Variants in SIPA1L3 observed in about 807,000 individuals in gnomAD.
The protein encoded by SIPA1L3 is signal-induced proliferation-associated 1-like protein 3.
In SIPA1L3, 59 loss-of-function variants were observed where a neutral mutation model predicts 150.1. That is an observed-to-expected ratio of 0.39 (90% CI 0.32 to 0.49). The LOEUF is 0.49. Among genes scored for constraint, SIPA1L3 ranks in the 20% least tolerant of loss-of-function variants. The pLI, the probability that SIPA1L3 is intolerant of heterozygous loss-of-function variation, is 0.86. For synonymous variants in SIPA1L3, 1,070 were observed against 1,077.6 expected, an observed-to-expected ratio of 0.99 and a Z score of 0.14; for missense variants, 2,211 against 2,489.5, an observed-to-expected ratio of 0.89 and a Z score of 2.38.
At chr19:38,032,286 C>G (rs1380187575) in intron 2 of SIPA1L3, among the ~76,000 whole-genome samples, 2 of 152,134 alleles carry the variant, frequency 1.3e-5, no homozygotes, top group Admixed American at 6.5e-5. Flanking sequence ...TCCCAAGTTC[C>G]AAGTAAATTC....
chr19:38,084,284 C>T (rs779811238), intron 3 of SIPA1L3, among the ~76,000 whole-genome samples: 23 of 152,022 alleles, frequency 1.5e-4, no homozygotes, highest in Admixed American at 2.6e-4. Context: ...CCCCTTATGC[C>T]CTTATGCCTA....
intron 2 of SIPA1L3, among the ~76,000 whole-genome samples, chr19:38,035,704 C>A (rs1968765174): frequency 6.6e-6 from 1 of 151,742 alleles, no homozygotes; most frequent in Non-Finnish European, 1.5e-5. Flanking sequence ...CGAGAAGTCG[C>A]ATAATAGATG....
intron 15 of SIPA1L3, among the ~76,000 whole-genome samples, chr19:38,177,958 G>A (rs113375262): frequency 3.3e-5 from 5 of 151,436 alleles, no homozygotes; most frequent in South Asian, 2.1e-4. Flanking sequence ...CCCCGGAGGC[G>A]CAGAGGTTGC....
chr19:37,930,987 T>TG (rs1408854266), intron 1 of SIPA1L3, among the ~76,000 whole-genome samples: 1 of 152,204 alleles, frequency 6.6e-6, no homozygotes, highest in Admixed American at 6.5e-5. Flanking sequence ...TCCCAGTGCC[T>TG]GACTCAGAAT....
intron 1 of SIPA1L3, among the ~76,000 whole-genome samples, chr19:37,953,765 G>A (rs1447558567): frequency 6.6e-6 from 1 of 152,178 alleles, no homozygotes; most frequent in Non-Finnish European, 1.5e-5. Context: ...CCCCAGGCAC[G>A]TGTGATTTTG....
chr19:37,999,798 A>G (rs16978902), intron 1 of SIPA1L3, among the ~76,000 whole-genome samples: 8,415 of 152,238 alleles, frequency 0.055, 811 homozygotes, highest in African/African-American at 0.19. Context: ...GAGGAGTATG[A>G]AAAATCATGA....
chr19:38,051,244 T>C (rs1184871290), intron 2 of SIPA1L3, among the ~76,000 whole-genome samples: 1 of 152,232 alleles, frequency 6.6e-6, no homozygotes, highest in Admixed American at 6.5e-5. Flanking sequence ...TGACTATCTC[T>C]AGACATGTTC....
chr19:38,148,184 C>T (rs990441387), intron 12 of SIPA1L3, among the ~76,000 whole-genome samples: 2 of 151,870 alleles, frequency 1.3e-5, no homozygotes, highest in African/African-American at 4.8e-5. Context: ...AACCCCTTCT[C>T]TACTAAAAAT....
In SIPA1L3 at chr19:38,082,135, C is replaced by A; in HGVS notation, c.570C>A (p.Ala190=). Residue 190 remains alanine (A), a synonymous_variant, in exon 3 of 22, where the codon GCC becomes GCA. Coordinates refer to ENST00000222345, the MANE Select transcript of SIPA1L3 (RefSeq NM_015073.3). ...AGGACGCGGGGGAGCCGCGGGGGGC[C>A]CGGCACACGGGGGCGCTGCCCCTCT... The part of the protein sequence containing the change: ...DAEDAGEPRG[A]RHTGALPLFR... 1 of 1,606,284 alleles carries A rather than the reference C, an allele frequency of 6.2e-7. No homozygotes were observed. The highest frequency in any genetic ancestry group is 8.5e-7 in the Non-Finnish European group (1 of 1,179,184).
chr19:38,008,091 T>G (rs1446934852), intron 1 of SIPA1L3, among the ~76,000 whole-genome samples: 1 of 152,134 alleles, frequency 6.6e-6, no homozygotes, highest in African/African-American at 2.4e-5. Context: ...ATCCTCCTAT[T>G]GCAGATGCGG....
At chr19:38,078,150 G>C (rs1349904827) in intron 2 of SIPA1L3, among the ~76,000 whole-genome samples, 2 of 151,992 alleles carry the variant, frequency 1.3e-5, no homozygotes, top group African/African-American at 2.4e-5. Context: ...TAGGCAACTC[G>C]ACCCTGAGGG....
chr19:38,160,163 C>T (rs1318182048), intron 13 of SIPA1L3, among the ~76,000 whole-genome samples: 1 of 151,570 alleles, frequency 6.6e-6, no homozygotes, highest in African/African-American at 2.4e-5. Flanking sequence ...AGGCATGTGC[C>T]ATCACACCCA....
Position 37,966,234 on chromosome 19 carries a change from G to T in SIPA1L3, c.-379+58876G>T, listed in dbSNP as rs540650915. ...AAATGTTCCTCAGGAGGAGGAATCG[G>T]CACTGCAGGGAGCTGGCAGGTTCCG... On this transcript the variant is annotated intron_variant, in intron 1 of 21. Coordinates refer to ENST00000222345, the MANE Select transcript of SIPA1L3 (RefSeq NM_015073.3). Among the ~76,000 whole-genome samples the T allele has an allele frequency of 2.0e-5, 3 of 152,320 alleles. No homozygotes were observed. In the East Asian group the frequency reaches 5.8e-4, roughly 29 times the overall value.
chr19:38,028,322 G>T (rs1056862182), intron 1 of SIPA1L3, among the ~76,000 whole-genome samples: 1 of 152,010 alleles, frequency 6.6e-6, no homozygotes, highest in African/African-American at 2.4e-5. Context: ...CCCTGCCACC[G>T]CTTGCCCCTC....
At chr19:38,031,063 T>C (rs575018403) in intron 2 of SIPA1L3, among the ~76,000 whole-genome samples, 7 of 152,098 alleles carry the variant, frequency 4.6e-5, no homozygotes, top group Non-Finnish European at 7.4e-5. Context: ...CTGAAGCTTG[T>C]GTGTGGGACA....
chr19:37,940,114 G>T (rs1437817237), intron 1 of SIPA1L3, among the ~76,000 whole-genome samples: 1 of 152,028 alleles, frequency 6.6e-6, no homozygotes, highest in Non-Finnish European at 1.5e-5. Flanking sequence ...GAGATAAGGG[G>T]TGTGAAGAAA....
intron 8 of SIPA1L3, among the ~76,000 whole-genome samples, chr19:38,118,432 C>T (rs1457072934): frequency 5.3e-5 from 8 of 152,164 alleles, no homozygotes; most frequent in African/African-American, 1.2e-4. Flanking sequence ...ATCTGCCACA[C>T]GGTCTATGTA....
chr19:38,187,313 G>T (rs1375960666), intron 16 of SIPA1L3, among the ~76,000 whole-genome samples: 1 of 151,618 alleles, frequency 6.6e-6, no homozygotes, highest in South Asian at 2.1e-4. Flanking sequence ...TTAGCCAGGT[G>T]TGGTGGCAGG....
intron 19 of SIPA1L3, among the ~76,000 whole-genome samples, 172 bp downstream of exon 19, chr19:38,198,704 G>A (rs1022551030): frequency 3.3e-5 from 5 of 152,238 alleles, no homozygotes; most frequent in East Asian, 1.9e-4. Context: ...GGCAAGCGTC[G>A]TCATCTCTTT....
Sources: gnomAD v4.1 joint callset for allele counts (sites outside exome capture counted in the v4.1 genomes callset) on GRCh38, gnomAD v4.1.1 for gene constraint, MANE v1.5 for transcripts, NCBI Gene and HGNC (gene_info 2026-07-23, HGNC 2026-07-21) for gene names.